Variants in LMO7 observed in about 807,000 individuals in gnomAD.
The protein encoded by LMO7 is LIM domain 7.
Under a neutral mutation model 206.5 loss-of-function variants are expected in LMO7, and 120 were observed. The ratio of observed to expected loss-of-function variants is 0.58; its 90% CI spans 0.50 to 0.68. The LOEUF is 0.68. Among genes scored for constraint, LMO7 ranks in the 30% least tolerant of loss-of-function variants. The pLI is 0.00. For missense variants in LMO7, 1,959 were observed against 1,957.9 expected (o/e 1.00, Z -0.01); for synonymous variants, 706 against 681.5 (o/e 1.04, Z -0.56).
At chr13:75,800,250 C>T (rs1240065840) in intron 6 of LMO7, among the ~76,000 whole-genome samples, 1 of 152,118 alleles carries the variant, frequency 6.6e-6, no homozygotes, top group Non-Finnish European at 1.5e-5. Flanking sequence ...TGAATATAAT[C>T]TTGCTGATTT....
intron 26 of LMO7, among the ~76,000 whole-genome samples, chr13:75,847,978 G>C (rs1279942730): frequency 7.5e-6 from 1 of 133,230 alleles, no homozygotes; most frequent in African/African-American, 2.7e-5. Flanking sequence ...TTTATTTATT[G>C]AGGCTGCAAT....
chr13:75,808,580 T>C (rs2055868636), intron 10 of LMO7, among the ~76,000 whole-genome samples: 1 of 152,176 alleles, frequency 6.6e-6, no homozygotes. Context: ...TCTGATTTTT[T>C]TGGGGGGGTG....
At chr13:75,695,147 A>G (rs2041808149) in intron 1 of LMO7, among the ~76,000 whole-genome samples, 1 of 152,246 alleles carries the variant, frequency 6.6e-6, no homozygotes, top group African/African-American at 2.4e-5. Context: ...CTTGTAGGCT[A>G]GAAGGCAGAA....
chr13:75,717,789 A>G (rs1213834917), intron 2 of LMO7, among the ~76,000 whole-genome samples: 3 of 152,208 alleles, frequency 2.0e-5, no homozygotes, highest in Non-Finnish European at 4.4e-5. Context: ...GCAGTGCTCC[A>G]TGGGAAGCCC....
rs201635274 is a variant in LMO7, at chr13:75,842,910, G to T, written c.4091G>T (p.Gly1364Val). Residue 1364 changes from glycine (G) to valine (V), a missense_variant, in exon 25 of 31, where the codon GGT (glycine) becomes GTT (valine). Transcript: ENST00000377534. ...GAAGCATCTTCAGGTTTTCTTCCTGGTGACAGGTATGTAGAGCATGTTATT... is the reference window on the plus strand; with the variant it reads ...GAAGCATCTTCAGGTTTTCTTCCTGTTGACAGGTATGTAGAGCATGTTATT... ...TEEASSGFLP[G>V]DRNKSRSTTE... The T allele has an allele frequency of 1.5e-5, 24 of 1,589,382 alleles. No individual in the cohort carries two copies. The highest frequency in any genetic ancestry group is 2.1e-5 in the Non-Finnish European group (24 of 1,158,094).
chr13:75,673,700 G>T (rs1453922312), intron 1 of LMO7, among the ~76,000 whole-genome samples: 1 of 152,068 alleles, frequency 6.6e-6, no homozygotes, highest in Non-Finnish European at 1.5e-5. Context: ...GTCCATAAAG[G>T]ATGTACCATC....
rs1211108426 is a variant in LMO7 at position 75,750,268 on chromosome 13, TG to T, written c.211-10663del. 3.3e-4 allele frequency among the ~76,000 whole-genome samples: 50 copies of T among 152,268 alleles called. No homozygotes were observed. The East Asian group carries it at 8.7e-3, about 26-fold the overall frequency. The stretch of plus-strand genomic sequence containing the variant: ...CTCCATAATCTCTGGGTGACTTATG[TG>T]CATACTAAAGAGAAACACTGTCTTA... On this transcript the variant is annotated intron_variant, in intron 3 of 30. Transcript: ENST00000377534.
chr13:75,826,441 G>T (rs185032295), intron 15 of LMO7, among the ~76,000 whole-genome samples: 4 of 152,250 alleles, frequency 2.6e-5, no homozygotes, highest in South Asian at 2.1e-4. Context: ...ACACAAGACT[G>T]GCATCAGATT....
At chr13:75,850,397 C>A (rs1207012122) in intron 27 of LMO7, among the ~76,000 whole-genome samples, 1 of 152,136 alleles carries the variant, frequency 6.6e-6, no homozygotes, top group Non-Finnish European at 1.5e-5. Context: ...AGCACTCTAT[C>A]TTCTGGATAT....
exon 1 of LMO7, chr13:75,621,464 C>G (rs1245880376): frequency 3.8e-6 from 1 of 260,104 alleles, no homozygotes; most frequent in Non-Finnish European, 7.2e-6. Flanking sequence ...ATCTTTTACT[C>G]TTGGGGGCAA....
At chr13:75,828,420 T>G (rs2058333069) in intron 15 of LMO7, among the ~76,000 whole-genome samples, 1 of 152,218 alleles carries the variant, frequency 6.6e-6, no homozygotes, top group South Asian at 2.1e-4. Flanking sequence ...GACTGCCTTA[T>G]GTATAGTTAA....
chr13:75,705,164 G>A (rs528023263), intron 1 of LMO7, among the ~76,000 whole-genome samples: 113 of 152,286 alleles, frequency 7.4e-4, no homozygotes, highest in Non-Finnish European at 1.3e-3. Context: ...CACACTTGGC[G>A]CAGTCGCTTC....
intron 1 of LMO7, among the ~76,000 whole-genome samples, chr13:75,699,279 G>A (rs2042112453): frequency 6.6e-6 from 1 of 152,110 alleles, no homozygotes; most frequent in Non-Finnish European, 1.5e-5. Context: ...TCCACTCACA[G>A]ATTTAATGTC....
chr13:75,743,161 A>G (rs1402857979), intron 3 of LMO7, among the ~76,000 whole-genome samples: 1 of 152,252 alleles, frequency 6.6e-6, no homozygotes, highest in African/African-American at 2.4e-5. Context: ...AATCAAAACC[A>G]CAATGAGATA....
chr13:75,659,616 C>A (rs557610783), intron 1 of LMO7, among the ~76,000 whole-genome samples: 4 of 152,062 alleles, frequency 2.6e-5, no homozygotes, highest in African/African-American at 9.7e-5. Flanking sequence ...CGGGAAAGAC[C>A]GGCCCACATG....
chr13:75,734,898 G>C (rs944471741), intron 3 of LMO7, among the ~76,000 whole-genome samples: 1 of 152,084 alleles, frequency 6.6e-6, no homozygotes, highest in Non-Finnish European at 1.5e-5. Context: ...AGGAGATGAC[G>C]ACCATCCTGG....
At chr13:75,663,438 T>TCTTTCTTTCTTTCTTTCTTTC in intron 1 of LMO7, among the ~76,000 whole-genome samples, 1 of 144,596 alleles carries the variant, frequency 6.9e-6, no homozygotes, top group African/African-American at 2.5e-5. Flanking sequence ...CTTTCTTTTT[T>TCTTTCTTTCTTTCTTTCTTTC]TTTTTTTTTT....
intron 1 of LMO7, among the ~76,000 whole-genome samples, chr13:75,646,235 C>A (rs1416985878): frequency 6.6e-6 from 1 of 152,204 alleles, no homozygotes; most frequent in Non-Finnish European, 1.5e-5. Flanking sequence ...AGAAATCCAA[C>A]AGGCTATATC....
At chr13:75,777,644 C>CTTT (rs1436318729) in intron 4 of LMO7, among the ~76,000 whole-genome samples, 3 of 113,920 alleles carry the variant, frequency 2.6e-5, no homozygotes, top group African/African-American at 6.5e-5. Context: ...ATTTTCTTTT[C>CTTT]TTGTTTTTTT....
Sources: gnomAD v4.1 joint callset for allele counts (sites outside exome capture counted in the v4.1 genomes callset) on GRCh38, gnomAD v4.1.1 for gene constraint, MANE v1.5 for transcripts, NCBI Gene and HGNC (gene_info 2026-07-23, HGNC 2026-07-21) for gene names.